The following PCDHA9 variants were observed in gnomAD, a reference collection of about 807,000 sequenced individuals.
The protein encoded by PCDHA9 is protocadherin alpha 9.
In PCDHA9, 62 loss-of-function variants were observed where a neutral mutation model predicts 62.0. That is an observed-to-expected ratio of 1.00 (90% CI 0.81 to 1.23). The LOEUF (loss-of-function observed/expected upper bound fraction) is 1.23. Ranked by LOEUF, PCDHA9 falls within the 50% of genes most tolerant of loss-of-function variation. The pLI is 0.00. For missense variants in PCDHA9, 1,205 were observed against 1,249.8 expected, an observed-to-expected ratio of 0.96 and a Z score of 0.54; for synonymous variants, 557 against 567.6, an observed-to-expected ratio of 0.98 and a Z score of 0.27.
At chr5:140,988,093 G>C (rs17119334) in intron 3 of PCDHA9, among the ~76,000 whole-genome samples, 1 of 152,036 alleles carries the variant, frequency 6.6e-6, no homozygotes, top group Non-Finnish European at 1.5e-5. Flanking sequence ...GTGCAGCCTC[G>C]GGCCTTGTTG....
intron 3 of PCDHA9, among the ~76,000 whole-genome samples, chr5:141,000,397 A>C (rs590627): frequency 0.074 from 4,330 of 58,694 alleles, 135 homozygotes; most frequent in Non-Finnish European, 0.096. Flanking sequence ...CTCTCTCTCT[A>C]TATATATATA....
chr5:140,927,128 A>T (rs2083872958), intron 1 of PCDHA9: 2 of 1,613,878 alleles, frequency 1.2e-6, no homozygotes, highest in Non-Finnish European at 1.7e-6. Context: ...GTGGTCAGAG[A>T]GCCGGCGGAC....
intron 1 of PCDHA9, chr5:140,876,926 A>C (rs782589579): frequency 6.2e-7 from 1 of 1,613,842 alleles, no homozygotes; most frequent in East Asian, 2.2e-5. Context: ...GCGGACGCGC[A>C]GAAGAACGCG....
At chr5:140,912,648 A>G (rs1161381718) in intron 1 of PCDHA9, among the ~76,000 whole-genome samples, 1 of 152,164 alleles carries the variant, frequency 6.6e-6, no homozygotes, top group African/African-American at 2.4e-5. Flanking sequence ...TATGTTGAAT[A>G]GAAGTGGTGA....
intron 1 of PCDHA9, among the ~76,000 whole-genome samples, chr5:140,873,346 T>C (rs1235906519): frequency 1.5e-4 from 23 of 152,226 alleles, no homozygotes; most frequent in African/African-American, 4.8e-4. Flanking sequence ...CATCTCCAGA[T>C]GAAATTTTTG....
At chr5:141,008,751 AG>A (rs1234240078) in intron 3 of PCDHA9, among the ~76,000 whole-genome samples, 11 of 152,244 alleles carry the variant, frequency 7.2e-5, no homozygotes, top group African/African-American at 2.2e-4. Context: ...CACTGAGGGA[AG>A]GAATTTGGCT....
chr5:140,906,137 G>C (rs1462672499), intron 1 of PCDHA9, among the ~76,000 whole-genome samples: 1 of 152,008 alleles, frequency 6.6e-6, no homozygotes, highest in East Asian at 1.9e-4. Context: ...AGTCTCCTTT[G>C]ATAACACCCT....
intron 1 of PCDHA9, among the ~76,000 whole-genome samples, chr5:140,914,691 T>G (rs1300550753): frequency 6.6e-6 from 1 of 152,130 alleles, no homozygotes; most frequent in Non-Finnish European, 1.5e-5. Flanking sequence ...TTTTCTCTGG[T>G]GGTATGATTT....
At chr5:140,923,043 T>C (rs1274355780) in intron 1 of PCDHA9, among the ~76,000 whole-genome samples, 2 of 152,228 alleles carry the variant, frequency 1.3e-5, no homozygotes, top group Non-Finnish European at 1.5e-5. Context: ...ACATGTATAG[T>C]ATTTAGAATA....
In PCDHA9 at chr5:141,011,632, C is replaced by T. The variant is rs1333162247; in HGVS notation, c.*1695C>T. Reference sequence around the variant, plus strand: ...TTTATGGTCCAGCCAAGAGCCATCTCGTGCCAAGACTTCTGCTGGCAAGGG... The same window carrying T: ...TTTATGGTCCAGCCAAGAGCCATCTTGTGCCAAGACTTCTGCTGGCAAGGG... On this transcript the variant is annotated 3_prime_UTR_variant, in exon 4 of 4. Transcript: ENST00000532602. The T allele has an allele frequency of 1.3e-5, 2 of 153,656 alleles. No homozygotes were observed. The highest frequency in any genetic ancestry group is 4.8e-5 in the African/African-American group (2 of 41,412). 9.5% of individuals were successfully genotyped at this position (153,656 alleles called of 1,614,324 possible).
At chr5:140,851,222 T>A in intron 1 of PCDHA9, 1 of 1,140,378 alleles carries the variant, frequency 8.8e-7, no homozygotes, top group Non-Finnish European at 1.1e-6. Context: ...TTAACATCAC[T>A]ATCATTTATT....
intron 1 of PCDHA9, chr5:140,927,200 A>C (rs2083965383): frequency 6.2e-7 from 1 of 1,613,898 alleles, no homozygotes; most frequent in Non-Finnish European, 8.5e-7. Context: ...GTGCTCGAGG[A>C]CCCGCTGGAG....
intron 1 of PCDHA9, among the ~76,000 whole-genome samples, chr5:140,917,324 C>CG (rs1299895515): frequency 0.012 from 918 of 74,422 alleles, 22 homozygotes; most frequent in East Asian, 0.019. Flanking sequence ...GTTCATGTGG[C>CG]GGGGGAGGGG....
chr5:141,008,579 T>C (rs1554261820), intron 3 of PCDHA9, among the ~76,000 whole-genome samples: 1 of 152,232 alleles, frequency 6.6e-6, no homozygotes, highest in African/African-American at 2.4e-5. Flanking sequence ...TTCCCAAGAC[T>C]CAGGGCAGAT....
intron 1 of PCDHA9, chr5:140,927,582 G>C (rs1554204771): frequency 1.2e-6 from 2 of 1,614,174 alleles, no homozygotes; most frequent in Non-Finnish European, 8.5e-7. Context: ...ATGACAACGC[G>C]CCTGTATTTG....
chr5:140,960,541 C>T (rs1200507322), intron 1 of PCDHA9, among the ~76,000 whole-genome samples: 1 of 151,924 alleles, frequency 6.6e-6, no homozygotes, highest in Non-Finnish European at 1.5e-5. Context: ...GAAACTGTGG[C>T]CTTCATATAG....
intron 1 of PCDHA9, chr5:140,884,495 A>T: frequency 6.2e-7 from 1 of 1,614,034 alleles, no homozygotes; most frequent in Non-Finnish European, 8.5e-7. Flanking sequence ...AGTGTGCTCC[A>T]GCGCGGCAGG....
intron 1 of PCDHA9, chr5:140,875,904 A>G: frequency 1.9e-6 from 3 of 1,614,194 alleles, no homozygotes; most frequent in Non-Finnish European, 2.5e-6. Context: ...CTGTTTCTGA[A>G]TCTGCGCCTC....
At chr5:140,950,219 C>G (rs1173605199) in intron 1 of PCDHA9, among the ~76,000 whole-genome samples, 4 of 151,898 alleles carry the variant, frequency 2.6e-5, no homozygotes, top group African/African-American at 9.7e-5. Flanking sequence ...TAGTCATTTA[C>G]CATTTCTAGT....
Sources: allele counts gnomAD v4.1 joint callset (sites outside exome capture counted in the v4.1 genomes callset), GRCh38; gene constraint gnomAD v4.1.1; transcripts MANE v1.5; gene names NCBI Gene and HGNC (gene_info 2026-07-23, HGNC 2026-07-21).